The following PHF12 variants were observed in gnomAD, a reference collection of about 807,000 sequenced individuals.
The protein encoded by PHF12 is PHD factor 1.
A neutral mutation model predicts 99.8 loss-of-function variants in PHF12; 6 were observed. That is an observed-to-expected ratio of 0.06 (90% CI 0.03 to 0.12). The LOEUF is 0.12. Ranked by LOEUF, PHF12 falls within the 10% of genes least tolerant of loss-of-function variation. PHF12 has a pLI of 1.00. For missense variants in PHF12, 954 were observed against 1,300.1 expected, an observed-to-expected ratio of 0.73 and a Z score of 4.09; for synonymous variants, 480 against 514.9, an observed-to-expected ratio of 0.93 and a Z score of 0.92.
chr17:28,924,296 C>T lies in PHF12; in HGVS notation c.328G>A (p.Glu110Lys). The T allele has an allele frequency of 6.2e-7, 1 of 1,614,180 alleles. No homozygotes were observed. The highest frequency in any genetic ancestry group is 1.3e-5 in the African/African-American group (1 of 75,040). ...HRCTVRRKKREQKKELGHVNG... is the reference protein window; with the variant it reads ...HRCTVRRKKRKQKKELGHVNG... ...ACATGACCCAGCTCCTTTTTCTGCT[C>T]TCGTTTCTGTGCAAATGAACAGGTG... is the stretch of plus-strand genomic sequence containing the variant. Residue 110 changes from glutamate (E) to lysine (K), a missense_variant, in exon 4 of 15, where the codon GAG (glutamate) becomes AAG (lysine). This residue lies in a region of PHF12 where 109 missense variants were observed against 145.4 expected (regional missense o/e 0.75). Transcript: ENST00000332830.
intron 4 of PHF12, among the ~76,000 whole-genome samples, chr17:28,923,120 G>A (rs1288583571): frequency 2.6e-5 from 4 of 151,862 alleles, no homozygotes; most frequent in East Asian, 1.9e-4. Flanking sequence ...AAAAAGCAAC[G>A]TGTAGAATGG....
chr17:28,909,386 C>A (rs1252247382), intron 11 of PHF12: 1 of 155,696 alleles, frequency 6.4e-6, no homozygotes, highest in African/African-American at 2.4e-5. Flanking sequence ...TTCTAACAAG[C>A]TCTCAGGGGC....
rs1368061306 is a variant in PHF12, at chr17:28,912,708, G to A, written c.1863C>T (p.Val621=). The A allele has an allele frequency of 1.1e-5, 18 of 1,614,234 alleles. No homozygotes were observed. In the East Asian group the frequency reaches 1.3e-4, roughly 12 times the overall value. ...TGGGAATGGAAGGGGGCAGGCTTGGGACAGGAACCAAACTCCTCTGGGGGC... is the reference window on the plus strand; with the variant it reads ...TGGGAATGGAAGGGGGCAGGCTTGGAACAGGAACCAAACTCCTCTGGGGGC... ...SSCPQRSLVP[V]PSLPPSIPSS... Residue 621 remains valine, a synonymous_variant, in exon 9 of 15, where the codon GTC becomes GTT. Coordinates refer to ENST00000332830, the MANE Select transcript of PHF12 (RefSeq NM_001033561.2).
At chr17:28,923,694 G>A (rs1294737723) in intron 4 of PHF12, among the ~76,000 whole-genome samples, 1 of 117,062 alleles carries the variant, frequency 8.5e-6, no homozygotes, top group African/African-American at 3.5e-5. Flanking sequence ...ATAATTCTGG[G>A]GGAGGGGAAG....
chr17:28,944,339 C>A (rs1040725430), intron 2 of PHF12, among the ~76,000 whole-genome samples: 2 of 152,192 alleles, frequency 1.3e-5, no homozygotes, highest in Non-Finnish European at 2.9e-5. Flanking sequence ...AACAGTACTA[C>A]TAAGTACTTG....
In PHF12 at chr17:28,910,240, C is replaced by T. The variant is rs1319779964; in HGVS notation, c.2345G>A (p.Gly782Glu). 4 of 1,614,040 alleles carry T rather than the reference C, an allele frequency of 2.5e-6. No individual in the cohort carries two copies. Among genetic ancestry groups the T allele is most frequent in the Non-Finnish European group, 3.4e-6 (4 of 1,180,034 alleles). ...TACATGCGCACCTTCTATGTGGTGC[C>T]CTCCAGAAGCCAGCTGATGTGTCCC... ...SVGTHQLASG[G>E]HHIEVQRKEV... The change falls in exon 11 of 15, where the codon GGG becomes GAG. Residue 782 changes from glycine (G) to glutamate (E), a missense_variant. By Grantham distance (98) the Gly-to-Glu change is moderately conservative. Coordinates refer to ENST00000332830, the MANE Select transcript of PHF12 (RefSeq NM_001033561.2).
At chr17:28,907,284 A>G in intron 13 of PHF12, 1 of 520,156 alleles carries the variant, frequency 1.9e-6, no homozygotes, top group South Asian at 2.5e-5. Flanking sequence ...ATTCACAGGG[A>G]CACACCCACA....
At chr17:28,914,177 G>A (rs1036472179) in intron 7 of PHF12, 140 bp from the exon 8 acceptor site, 67 of 956,292 alleles carry the variant, frequency 7.0e-5, no homozygotes, top group Non-Finnish European at 1.8e-5. Flanking sequence ...GGAAAAGGAG[G>A]CTCAGAAATG....
intron 4 of PHF12, among the ~76,000 whole-genome samples, chr17:28,922,499 A>G (rs1469006481): frequency 6.6e-6 from 1 of 152,154 alleles, no homozygotes; most frequent in Admixed American, 6.5e-5. Flanking sequence ...GAAGCTTTAC[A>G]GTATCAAGAA....
chr17:28,951,488 C>A lies in PHF12; in HGVS notation c.-528G>T. 2.0e-6 allele frequency: 2 copies of A among 985,434 alleles called. No homozygotes were observed. Among genetic ancestry groups the A allele is most frequent in the Non-Finnish European group, 2.4e-6 (2 of 829,910 alleles). The allele number at this position is 985,434 out of a possible 1,614,324, so 61.0% of individuals were successfully genotyped here. On this transcript the variant is annotated 5_prime_UTR_variant, in exon 1 of 15. Transcript: ENST00000332830. ...TTACCGCGAGCGCCCGCAAAGCCAC[C>A]CGCGCAGGCGCCCCGGGATCGGCGC...
intron 2 of PHF12, among the ~76,000 whole-genome samples, chr17:28,937,412 G>A (rs376046513): frequency 3.9e-5 from 6 of 152,078 alleles, no homozygotes; most frequent in African/African-American, 1.4e-4. Context: ...CACCACTAAT[G>A]CCACAAAGTA....
intron 9 of PHF12, 182 bp downstream of exon 9, chr17:28,912,300 A>G (rs1231358162): frequency 1.4e-6 from 2 of 1,390,750 alleles, no homozygotes; most frequent in Non-Finnish European, 1.9e-6. Flanking sequence ...AAGCAGTCCC[A>G]TTTATAAACG....
Position 28,907,584 on chromosome 17 carries a change from C to T in PHF12, c.2541+6G>A, listed in dbSNP as rs1011449225. 14 of 1,613,756 alleles carry T rather than the reference C, an allele frequency of 8.7e-6. No homozygotes were observed. The African/African-American group carries it at 1.7e-4, about 20-fold the overall frequency. ...AGCTCCCTCCCACCGCATCTCCGGC[C>T]CTCACCTCATCGTAGAATATGCAGG... is the stretch of plus-strand genomic sequence containing the variant. On this transcript the variant is annotated splice_donor_region_variant and intron_variant, in intron 13 of 14. Coordinates refer to ENST00000332830, the MANE Select transcript of PHF12 (RefSeq NM_001033561.2).
intron 3 of PHF12, chr17:28,925,832 G>A (rs760685956): frequency 6.6e-6 from 1 of 152,198 alleles, no homozygotes; most frequent in African/African-American, 2.4e-5. Flanking sequence ...CCTGGCACAC[G>A]ATGGGCACTA....
Position 28,950,324 on chromosome 17 carries a change from C to A in PHF12, c.67-78G>T. On this transcript the variant is annotated intron_variant, in intron 1 of 14. Coordinates refer to ENST00000332830, the MANE Select transcript of PHF12 (RefSeq NM_001033561.2). This position sits in a 1 kb window ranked among gnomAD's most constrained non-coding sequence, Gnocchi z 5.7. ...CGTCGCCCCCCCGGCGCGGTTTCTC[C>A]GTCACCCACCCCTCTCCCCCCTTTT... 7.0e-7 allele frequency: 1 copy of A among 1,430,572 alleles called. No individual in the cohort carries two copies. The highest frequency in any genetic ancestry group is 2.5e-5 in the East Asian group (1 of 40,576). 88.6% of individuals were successfully genotyped at this position (1,430,572 alleles called of 1,614,324 possible). A position where few individuals can be genotyped will look rare whatever the true frequency, so the allele number is the denominator to read the frequency against.
At chr17:28,922,937 G>A (rs149666739) in intron 4 of PHF12, among the ~76,000 whole-genome samples, 2,853 of 152,114 alleles carry the variant, frequency 0.019, 86 homozygotes, top group African/African-American at 0.062. Context: ...AAAATTAGCT[G>A]AGTGTGGTGG....
intron 5 of PHF12, 30 bp downstream of exon 5, chr17:28,921,658 G>A: frequency 6.2e-7 from 1 of 1,610,388 alleles, no homozygotes; most frequent in Middle Eastern, 1.7e-4. Flanking sequence ...TAAATAATGA[G>A]AAAGAGCCCC....
chr17:28,912,782 T>C lies in PHF12; in HGVS notation c.1789A>G (p.Thr597Ala). ...PPAAGGLQNH[T>A]VGIIVKTENA... ...TCTGTCTTCACAATGATGCCGACGG[T>C]GTGGTTCTGAAGGCCCCCAGCCGCT... The change falls in exon 9 of 15, where the codon ACC becomes GCC. Residue 597 changes from threonine to alanine, a missense_variant. Physicochemically the swap from Thr to Ala is moderately conservative, Grantham distance 58. This residue lies in a region of PHF12 where 392 missense variants were observed against 423.1 expected (regional missense o/e 0.93). Coordinates refer to ENST00000332830, the MANE Select transcript of PHF12 (RefSeq NM_001033561.2). The C allele has an allele frequency of 6.2e-7, 1 of 1,612,936 alleles. No homozygotes were observed. Among genetic ancestry groups the C allele is most frequent in the Middle Eastern group, 1.7e-4 (1 of 6,052 alleles).
At chr17:28,907,766 T>A in intron 12 of PHF12, 94 bp from the exon 13 acceptor site, 1 of 1,234,568 alleles carries the variant, frequency 8.1e-7, no homozygotes, top group Non-Finnish European at 1.2e-6. Context: ...AGTTAGCTTC[T>A]GGGTTGGCAC....
Sources: gnomAD v4.1 joint callset for allele counts (sites outside exome capture counted in the v4.1 genomes callset) on GRCh38, gnomAD v4.1.1 for gene constraint, gnomAD v4.1.1 regional missense constraint, Gnocchi (gnomAD v3.1) non-coding constraint, MANE v1.5 for transcripts, NCBI Gene and HGNC (gene_info 2026-07-23, HGNC 2026-07-21) for gene names.